HGSNAT: variants seen among roughly 807,000 people sequenced by gnomAD.
The protein encoded by HGSNAT is heparan-alpha-glucosaminide N-acetyltransferase.
Under a neutral mutation model 85.2 loss-of-function variants are expected in HGSNAT, and 59 were observed. The ratio of observed to expected loss-of-function variants is 0.69; its 90% CI spans 0.56 to 0.86. The LOEUF is 0.86. Among genes scored for constraint, HGSNAT ranks in the 40% least tolerant of loss-of-function variants. HGSNAT has a pLI of 0.00. For missense variants in HGSNAT, 756 were observed against 777.1 expected (o/e 0.97, Z 0.32); for synonymous variants, 321 against 304.5 (o/e 1.05, Z -0.56).
At chr8:43,197,553 A>G in intron 15 of HGSNAT, 119 bp from the exon 16 acceptor site, 1 of 733,288 alleles carries the variant, frequency 1.4e-6, no homozygotes, top group Non-Finnish European at 2.4e-6. Flanking sequence ...AGAAAAATAT[A>G]AGGCACAAGT....
At chr8:43,178,725 T>C (rs978661492) in intron 10 of HGSNAT, among the ~76,000 whole-genome samples, 3 of 149,838 alleles carry the variant, frequency 2.0e-5, no homozygotes, top group African/African-American at 7.5e-5. Context: ...CAAAGGTCTC[T>C]GGTTTTCCTA....
intron 11 of HGSNAT, among the ~76,000 whole-genome samples, chr8:43,191,234 T>C (rs970415344): frequency 2.0e-5 from 3 of 152,242 alleles, no homozygotes; most frequent in African/African-American, 4.8e-5. Context: ...TGTGAACATA[T>C]GTTTTCAGTT....
chr8:43,158,525 C>T, intron 2 of HGSNAT, 50 bp from the exon 3 acceptor site: 8 of 1,607,230 alleles, frequency 5.0e-6, no homozygotes, highest in Non-Finnish European at 6.8e-6. Flanking sequence ...CAGCAATCAA[C>T]AGATGTTGAA....
chr8:43,172,198 AG>A (rs1359992642), intron 7 of HGSNAT, 111 bp from the exon 8 acceptor site: 2 of 800,204 alleles, frequency 2.5e-6, no homozygotes, highest in Non-Finnish European at 4.5e-6. Context: ...AATGCTCAGT[AG>A]AATTGCATTG....
chr8:43,150,476 A>G (rs1441916364), intron 2 of HGSNAT, among the ~76,000 whole-genome samples: 1 of 152,046 alleles, frequency 6.6e-6, no homozygotes. Context: ...ACAAAACAAA[A>G]CAAAAACAAG....
At position 43,193,742 on chromosome 8, in the gene HGSNAT, C is replaced by T; in HGVS notation, c.1378-15C>T. 2 of 1,589,350 alleles carry T rather than the reference C, an allele frequency of 1.3e-6. No individual in the cohort carries two copies. The highest frequency in any genetic ancestry group is 2.2e-5 in the East Asian group (1 of 44,700). ...ATCAGTGAGTGAGTGCTGCCTTCTG[C>T]TTCTGTTTGTTAAGGTACTTTACCA... On this transcript the variant is annotated splice_polypyrimidine_tract_variant and intron_variant, in intron 13 of 17. Coordinates refer to ENST00000379644, the MANE Select transcript of HGSNAT (RefSeq NM_152419.3).
At position 43,202,736 on chromosome 8, in the gene HGSNAT, A is replaced by G. The variant is rs1180769928; in HGVS notation, c.*3167A>G. ...ATGCATAATAACCCAGTTTGTATCA[A>G]AGGGTATCGACTTAAGTGAAATTTC... is the stretch of plus-strand genomic sequence containing the variant. On this transcript the variant is annotated 3_prime_UTR_variant, in exon 18 of 18. Coordinates refer to ENST00000379644, the MANE Select transcript of HGSNAT (RefSeq NM_152419.3). The G allele has an allele frequency of 2.6e-5, 4 of 152,236 alleles. No individual in the cohort carries two copies. The highest frequency in any genetic ancestry group is 9.6e-5 in the African/African-American group (4 of 41,468). 9.4% of individuals were successfully genotyped at this position (152,236 alleles called of 1,614,324 possible).
At chr8:43,185,254 T>G (rs545840246) in intron 11 of HGSNAT, among the ~76,000 whole-genome samples, 115 of 152,366 alleles carry the variant, frequency 7.5e-4, no homozygotes, top group African/African-American at 2.6e-3. Context: ...TGATATTGAT[T>G]CTTCCTATCC....
At chr8:43,196,043 G>A (rs985194568) in intron 14 of HGSNAT, 11 of 188,440 alleles carry the variant, frequency 5.8e-5, no homozygotes, top group African/African-American at 9.5e-5. Flanking sequence ...TCACTGGAGC[G>A]GTCAGTCCAG....
At chr8:43,141,960 C>T (rs1341576852) in intron 1 of HGSNAT, among the ~76,000 whole-genome samples, 1 of 152,104 alleles carries the variant, frequency 6.6e-6, no homozygotes, top group African/African-American at 2.4e-5. Context: ...GAGGGGAAGC[C>T]GCGTTGGGAC....
chr8:43,176,097 A>G (rs1373459184), intron 9 of HGSNAT, among the ~76,000 whole-genome samples: 4 of 152,042 alleles, frequency 2.6e-5, no homozygotes, highest in Admixed American at 2.6e-4. Context: ...TGCTGTGTGA[A>G]GTGTTAATCA....
In HGSNAT at chr8:43,196,971, C is replaced by T. The variant is rs371042202; in HGVS notation, c.1488C>T (p.Tyr496=). Residue 496 remains tyrosine, a synonymous_variant, in exon 15 of 18, where the codon TAC becomes TAT. Coordinates refer to ENST00000379644, the MANE Select transcript of HGSNAT (RefSeq NM_152419.3). ...AGGCAGGAAAAATACTATTGTATTA[C>T]AAGGCTCGGACCAAAGACATCCTGA... ...GVQAGKILLY[Y]KARTKDILIR... 40 of 1,610,876 alleles carry T rather than the reference C, an allele frequency of 2.5e-5. No homozygotes were observed. The African/African-American group carries it at 4.8e-4, about 19-fold the overall frequency.
At chr8:43,147,299 A>G (rs1029106925) in intron 2 of HGSNAT, among the ~76,000 whole-genome samples, 1 of 152,200 alleles carries the variant, frequency 6.6e-6, no homozygotes, top group African/African-American at 2.4e-5. Context: ...TCAGGGATGA[A>G]CAACCTTGAT....
At chr8:43,161,135 G>A (rs1803253020) in intron 4 of HGSNAT, among the ~76,000 whole-genome samples, 1 of 152,154 alleles carries the variant, frequency 6.6e-6, no homozygotes, top group Non-Finnish European at 1.5e-5. Flanking sequence ...GCCAGAAAAA[G>A]CAGGACATGG....
At chr8:43,198,715 A>T (rs955656565) in intron 17 of HGSNAT, among the ~76,000 whole-genome samples, 2 of 152,204 alleles carry the variant, frequency 1.3e-5, no homozygotes, top group Non-Finnish European at 2.9e-5. Flanking sequence ...TGCAGTTCCA[A>T]CCGAGGACTT....
chr8:43,191,701 C>A lies in HGSNAT; in HGVS notation c.1250+106C>A. 2 of 1,401,150 alleles carry A rather than the reference C, an allele frequency of 1.4e-6. 1 individual carries two copies. The allele number at this position is 1,401,150 out of a possible 1,614,324, so 86.8% of individuals were successfully genotyped here. A position where few individuals can be genotyped will look rare whatever the true frequency, so the allele number is the denominator to read the frequency against. On this transcript the variant is annotated intron_variant, in intron 12 of 17. Transcript: ENST00000379644. ...GTCAGAGGAATTCTCTTTCCCTCTTCCTTCTCCTTTGAGGCCTGCTTTGCA... is the reference window on the plus strand; with the variant it reads ...GTCAGAGGAATTCTCTTTCCCTCTTACTTCTCCTTTGAGGCCTGCTTTGCA...
Position 43,201,884 on chromosome 8 carries a change from G to C in HGSNAT, c.*2315G>C, listed in dbSNP as rs1254332104. 6.6e-6 allele frequency: 1 copy of C among 152,136 alleles called. No homozygotes were observed. Among genetic ancestry groups the C allele is most frequent in the East Asian group, 1.9e-4 (1 of 5,188 alleles). The allele number at this position is 152,136 out of a possible 1,614,324, so 9.4% of individuals were successfully genotyped here. ...GCTGGTAAGATGAGCATGTATCCGGGGTGCCCATGAAATGTTCTTGGGGCC... is the reference window on the plus strand; with the variant it reads ...GCTGGTAAGATGAGCATGTATCCGGCGTGCCCATGAAATGTTCTTGGGGCC... On this transcript the variant is annotated 3_prime_UTR_variant, in exon 18 of 18. Coordinates refer to ENST00000379644, the MANE Select transcript of HGSNAT (RefSeq NM_152419.3). The surrounding 1 kb of genome is among the most constrained non-coding windows in gnomAD (Gnocchi z 4.4).
In HGSNAT at chr8:43,171,836, T is replaced by G. The variant is rs1056557486; in HGVS notation, c.744-474T>G. ...AAAAGTCACATGTGGTTAGGGCACT[T>G]TCTTTTACAGATGAGCACACTGAGT... On this transcript the variant is annotated intron_variant, in intron 7 of 17. Transcript: ENST00000379644. 1.3e-5 allele frequency among the ~76,000 whole-genome samples: 2 copies of G among 152,208 alleles called. 1 individual carries two copies. Among genetic ancestry groups the G allele is most frequent in the African/African-American group, 4.8e-5 (2 of 41,454 alleles).
At chr8:43,166,452 A>G (rs560904472) in intron 5 of HGSNAT, among the ~76,000 whole-genome samples, 2 of 152,318 alleles carry the variant, frequency 1.3e-5, no homozygotes, top group Admixed American at 6.5e-5. Context: ...TGGAAATCCT[A>G]GGGTCCTTAA....
Sources: gnomAD v4.1 joint callset for allele counts (sites outside exome capture counted in the v4.1 genomes callset) on GRCh38, gnomAD v4.1.1 for gene constraint, Gnocchi (gnomAD v3.1) non-coding constraint, MANE v1.5 for transcripts, NCBI Gene and HGNC (gene_info 2026-07-23, HGNC 2026-07-21) for gene names.